The following TBC1D4 variants were observed in gnomAD, a reference collection of about 807,000 sequenced individuals.
TBC1D4 encodes the protein TBC (Tre-2, BUB2, CDC16) domain-containing protein.
TBC1D4 carries 121 observed loss-of-function variants against 142.5 expected under a neutral mutation model. The ratio of observed to expected loss-of-function variants is 0.85; its 90% CI spans 0.73 to 0.99. The LOEUF (loss-of-function observed/expected upper bound fraction) is 0.99, where lower values mean the gene tolerates loss of function less well. Ranked by LOEUF, TBC1D4 falls within the 50% of genes least tolerant of loss-of-function variation. The pLI is 0.00. For missense variants in TBC1D4, 1,475 were observed against 1,606.6 expected (o/e 0.92, Z 1.40); for synonymous variants, 630 against 628.2 (o/e 1.00, Z -0.04).
chr13:75,376,035 A>C (rs1312463782), intron 1 of TBC1D4: 1 of 152,250 alleles, frequency 6.6e-6, no homozygotes, highest in African/African-American at 2.4e-5. Flanking sequence ...AAGGCAATAC[A>C]TCAGAGCTCT....
intron 5 of TBC1D4, among the ~76,000 whole-genome samples, chr13:75,347,790 A>C (rs1455099826): frequency 6.6e-6 from 1 of 152,162 alleles, no homozygotes; most frequent in East Asian, 1.9e-4. Context: ...GTGTTTGAAA[A>C]TAATGTACAT....
chr13:75,371,613 G>A (rs1005901882), intron 1 of TBC1D4, among the ~76,000 whole-genome samples: 4 of 152,210 alleles, frequency 2.6e-5, no homozygotes, highest in African/African-American at 9.6e-5. Flanking sequence ...TGTGGGCTAA[G>A]TTGTGAGGTG....
At chr13:75,307,659 G>A (rs1273062586) in intron 14 of TBC1D4, among the ~76,000 whole-genome samples, 1 of 152,152 alleles carries the variant, frequency 6.6e-6, no homozygotes, top group Non-Finnish European at 1.5e-5. Context: ...TCTTTACTTA[G>A]TGTGTTTGAA....
At chr13:75,436,663 A>G (rs1886813009) in intron 1 of TBC1D4, among the ~76,000 whole-genome samples, 1 of 151,950 alleles carries the variant, frequency 6.6e-6, no homozygotes, top group Non-Finnish European at 1.5e-5. Flanking sequence ...TCTCCAAAAA[A>G]AAAAAACAAA....
At chr13:75,341,014 A>G (rs1278829685) in intron 7 of TBC1D4, 111 bp downstream of exon 7, 2 of 923,898 alleles carry the variant, frequency 2.2e-6, no homozygotes, top group African/African-American at 1.6e-5. Flanking sequence ...GGGGTAGTTC[A>G]GGAAACTCTG....
chr13:75,438,798 GATACGT>G (rs770276619), intron 1 of TBC1D4, among the ~76,000 whole-genome samples: 2 of 152,144 alleles, frequency 1.3e-5, no homozygotes, highest in African/African-American at 2.4e-5. Flanking sequence ...GTTTCCAACA[GATACGT>G]ATCTATGTAG....
Position 75,481,690 on chromosome 13 carries a change from G to C in TBC1D4, c.78C>G (p.Pro26=), listed in dbSNP as rs745498631. The change falls in exon 1 of 21, where the codon CCC becomes CCG. Residue 26 remains proline, a synonymous_variant. Transcript: ENST00000377636. ...LEPEPGVSAQ[P]GPGKPSDKRF... ...GCTTATCGCTTGGCTTCCCGGGGCC[G>C]GGCTGAGCTGAGACGCCCGGCTCGG... 7.5e-6 allele frequency: 12 copies of C among 1,600,062 alleles called. No homozygotes were observed. The highest frequency in any genetic ancestry group is 1.0e-5 in the Non-Finnish European group (12 of 1,174,742).
At chr13:75,332,783 T>C (rs1879862636) in intron 8 of TBC1D4, among the ~76,000 whole-genome samples, 1 of 152,244 alleles carries the variant, frequency 6.6e-6, no homozygotes, top group Non-Finnish European at 1.5e-5. Flanking sequence ...TTGATCATGC[T>C]TGCTGCAGGG....
rs570158692 is a variant in TBC1D4 at position 75,452,702 on chromosome 13, C to G, written c.498+28568G>C. On this transcript the variant is annotated intron_variant, in intron 1 of 20. Coordinates refer to ENST00000377636, the MANE Select transcript of TBC1D4 (RefSeq NM_014832.5). ...AACAAAGAAACTGGTGAAAGTTGAA[C>G]TATACGGTATTAAATCATAAAAGGC... Among the ~76,000 whole-genome samples, 6 of 152,266 alleles carry G rather than the reference C, an allele frequency of 3.9e-5. No individual in the cohort carries two copies. The East Asian group carries it at 1.2e-3, about 29-fold the overall frequency.
chr13:75,357,332 A>G (rs1423580466), intron 3 of TBC1D4, among the ~76,000 whole-genome samples: 1 of 152,206 alleles, frequency 6.6e-6, no homozygotes, highest in African/African-American at 2.4e-5. Flanking sequence ...GAAAGTAAGC[A>G]ATCCGTATGG....
rs1168727845 is a variant in TBC1D4, at chr13:75,285,856, T to C, written c.*936A>G. 6.6e-6 allele frequency: 1 copy of C among 152,534 alleles called. No individual in the cohort carries two copies. Among genetic ancestry groups the C allele is most frequent in the Admixed American group, 6.5e-5 (1 of 15,276 alleles). 9.4% of individuals were successfully genotyped at this position (152,534 alleles called of 1,614,324 possible). On this transcript the variant is annotated 3_prime_UTR_variant, in exon 21 of 21. Transcript: ENST00000377636. ...ACCTAAATTACAAGCACTCACAATT[T>C]GGTGGGAAAGTGGCAAATCCTTGTC...
At chr13:75,410,211 C>G (rs1885575336) in intron 1 of TBC1D4, among the ~76,000 whole-genome samples, 1 of 152,232 alleles carries the variant, frequency 6.6e-6, no homozygotes, top group Middle Eastern at 3.4e-3. Flanking sequence ...TCTTTAAAAG[C>G]TTTCCTATAT....
In TBC1D4 at chr13:75,285,333, C is replaced by G. The variant is rs1381900466; in HGVS notation, c.*1459G>C. Reference sequence around the variant, plus strand: ...ACATTTTCACTGTGTATAACAAACTCCCTTTGAAGAAAATTACCCCAGATA... The same window carrying G: ...ACATTTTCACTGTGTATAACAAACTGCCTTTGAAGAAAATTACCCCAGATA... On this transcript the variant is annotated 3_prime_UTR_variant, in exon 21 of 21. Transcript: ENST00000377636. The G allele has an allele frequency of 1.3e-5, 2 of 152,122 alleles. No homozygotes were observed. Among genetic ancestry groups the G allele is most frequent in the African/African-American group, 2.4e-5 (1 of 41,418 alleles). The allele number at this position is 152,122 out of a possible 1,614,324, so 9.4% of individuals were successfully genotyped here.
In TBC1D4 at chr13:75,371,538, T is replaced by C. The variant is rs9600460; in HGVS notation, c.499-8931A>G. 6.0e-3 allele frequency among the ~76,000 whole-genome samples: 914 copies of C among 152,322 alleles called. 15 individuals carry two copies. The highest frequency in any genetic ancestry group is 0.02 in the African/African-American group (826 of 41,592). Reference sequence around the variant, plus strand: ...TAGCAAGCTTGCTCATTAGCTAAGATGAGGATGGGGAAGAAGATCTAACAG... The same window carrying C: ...TAGCAAGCTTGCTCATTAGCTAAGACGAGGATGGGGAAGAAGATCTAACAG... On this transcript the variant is annotated intron_variant, in intron 1 of 20. Transcript: ENST00000377636.
Position 75,287,037 on chromosome 13 carries a change from G to C in TBC1D4, c.3664-12C>G. ...TTAGTATGAGCTACCTGTTTGGGGG[G>C]GAAAAAATCCTCCAAATCAAATGAT... On this transcript the variant is annotated splice_polypyrimidine_tract_variant and intron_variant, in intron 20 of 20. Transcript: ENST00000377636. 1 of 1,595,580 alleles carries C rather than the reference G, an allele frequency of 6.3e-7. No individual in the cohort carries two copies. Among genetic ancestry groups the C allele is most frequent in the South Asian group, 1.1e-5 (1 of 90,942 alleles).
At chr13:75,446,778 G>A (rs1205949101) in intron 1 of TBC1D4, among the ~76,000 whole-genome samples, 2 of 152,068 alleles carry the variant, frequency 1.3e-5, no homozygotes, top group Non-Finnish European at 2.9e-5. Flanking sequence ...AGATTTTAGA[G>A]GTAGCAAAAC....
intron 1 of TBC1D4, among the ~76,000 whole-genome samples, chr13:75,363,728 C>A (rs1034841870): frequency 2.0e-5 from 3 of 152,212 alleles, no homozygotes; most frequent in Non-Finnish European, 2.9e-5. Flanking sequence ...GCATCCTCAA[C>A]CTTGGCAAAA....
chr13:75,286,778 C>A lies in TBC1D4; in HGVS notation c.*14G>T. 6.2e-7 allele frequency: 1 copy of A among 1,611,474 alleles called. No homozygotes were observed. The highest frequency in any genetic ancestry group is 1.7e-4 in the Middle Eastern group (1 of 6,020). On this transcript the variant is annotated 3_prime_UTR_variant, in exon 21 of 21. Coordinates refer to ENST00000377636, the MANE Select transcript of TBC1D4 (RefSeq NM_014832.5). ...TTCTAAGGAGCACTTTCTGCTGAGGCCGTGCCTCTTCAATTATGGCTTATT... is the reference window on the plus strand; with the variant it reads ...TTCTAAGGAGCACTTTCTGCTGAGGACGTGCCTCTTCAATTATGGCTTATT...
chr13:75,349,085 GA>G, intron 5 of TBC1D4, 84 bp downstream of exon 5: 2 of 1,589,950 alleles, frequency 1.3e-6, no homozygotes, highest in East Asian at 4.5e-5. Flanking sequence ...TCGAAACAAA[GA>G]ACTATTCAAT....
Sources: allele counts gnomAD v4.1 joint callset (sites outside exome capture counted in the v4.1 genomes callset), GRCh38; gene constraint gnomAD v4.1.1; transcripts MANE v1.5; gene names NCBI Gene and HGNC (gene_info 2026-07-23, HGNC 2026-07-21).